LSAMP: variants seen among roughly 807,000 people sequenced by gnomAD.
The protein encoded by LSAMP is limbic system-associated membrane protein.
Under a neutral mutation model 38.6 loss-of-function variants are expected in LSAMP, and 7 were observed. The ratio of observed to expected loss-of-function variants is 0.18; its 90% CI spans 0.10 to 0.34. The LOEUF (loss-of-function observed/expected upper bound fraction) is 0.34, where lower values mean the gene tolerates loss of function less well. Among genes scored for constraint, LSAMP ranks in the 10% least tolerant of loss-of-function variants. The pLI is 1.00. For missense variants in LSAMP, 313 were observed against 420.0 expected, an observed-to-expected ratio of 0.75 and a Z score of 2.23; for synonymous variants, 154 against 166.8, an observed-to-expected ratio of 0.92 and a Z score of 0.59.
intron 3 of LSAMP, among the ~76,000 whole-genome samples, chr3:115,951,917 A>G (rs1315461855): frequency 6.6e-6 from 1 of 152,162 alleles, no homozygotes; most frequent in East Asian, 1.9e-4. Context: ...GGACATGAAT[A>G]GACAATTCTC....
chr3:115,826,332 G>T (rs1297136217), intron 6 of LSAMP, among the ~76,000 whole-genome samples: 7 of 151,912 alleles, frequency 4.6e-5, no homozygotes, highest in Admixed American at 1.3e-4. Context: ...AGCCAGGATG[G>T]TCTCAACCTC....
At chr3:116,172,366 T>TA (rs1482252768) in intron 1 of LSAMP, among the ~76,000 whole-genome samples, 1 of 150,652 alleles carries the variant, frequency 6.6e-6, no homozygotes, top group Non-Finnish European at 1.5e-5. Flanking sequence ...TTTTTTTTTT[T>TA]ACTTGAAAGC....
intron 1 of LSAMP, among the ~76,000 whole-genome samples, chr3:116,419,982 T>C (rs565272661): frequency 2.6e-5 from 4 of 152,378 alleles, no homozygotes; most frequent in South Asian, 4.1e-4. Flanking sequence ...ACTGTACCTA[T>C]TCTTGTTGAA....
chr3:116,161,016 C>T (rs143189851), intron 1 of LSAMP, among the ~76,000 whole-genome samples: 90 of 152,286 alleles, frequency 5.9e-4, no homozygotes, highest in African/African-American at 2.1e-3. Flanking sequence ...TCTCCAGCCA[C>T]GTGGGGCTAT....
chr3:116,276,688 A>G (rs915216967), intron 1 of LSAMP, among the ~76,000 whole-genome samples: 21 of 148,198 alleles, frequency 1.4e-4, no homozygotes, highest in African/African-American at 3.9e-4. Context: ...AAAAAAGAAA[A>G]AAAAAAAAAG....
chr3:116,013,870 C>T (rs1559920253), intron 3 of LSAMP, among the ~76,000 whole-genome samples: 1 of 152,152 alleles, frequency 6.6e-6, no homozygotes, highest in Non-Finnish European at 1.5e-5. Flanking sequence ...CCATTATATA[C>T]ATTGTTTTCT....
At chr3:116,297,473 T>A (rs767391205) in intron 1 of LSAMP, among the ~76,000 whole-genome samples, 1 of 152,150 alleles carries the variant, frequency 6.6e-6, no homozygotes, top group Non-Finnish European at 1.5e-5. Flanking sequence ...GAAACCTTTA[T>A]GTTATCCCTT....
chr3:116,318,909 T>C (rs1461222039), intron 1 of LSAMP, among the ~76,000 whole-genome samples: 1 of 152,098 alleles, frequency 6.6e-6, no homozygotes, highest in Non-Finnish European at 1.5e-5. Context: ...TGACACTCTT[T>C]CCACAAGAAG....
intron 1 of LSAMP, among the ~76,000 whole-genome samples, chr3:116,295,758 C>T (rs1253169255): frequency 1.3e-5 from 2 of 152,080 alleles, no homozygotes; most frequent in African/African-American, 2.4e-5. Flanking sequence ...ATTGACCCTC[C>T]AAGTCCCAAA....
At chr3:115,932,951 C>T (rs1937604996) in intron 3 of LSAMP, among the ~76,000 whole-genome samples, 2 of 152,080 alleles carry the variant, frequency 1.3e-5, no homozygotes, top group African/African-American at 2.4e-5. Flanking sequence ...GAGGTGGTGA[C>T]TTGGGTGTTA....
At chr3:116,158,495 A>G (rs977228496) in intron 1 of LSAMP, among the ~76,000 whole-genome samples, 1 of 152,210 alleles carries the variant, frequency 6.6e-6, no homozygotes, top group Non-Finnish European at 1.5e-5. Context: ...AATTTCAGCT[A>G]AGTTTCAGGA....
chr3:115,965,911 T>C (rs1047432938), intron 3 of LSAMP, among the ~76,000 whole-genome samples: 3 of 152,152 alleles, frequency 2.0e-5, no homozygotes, highest in Non-Finnish European at 4.4e-5. Flanking sequence ...TGTATGTATG[T>C]ATAAATTAAT....
chr3:115,983,904 C>A (rs796946932), intron 3 of LSAMP, among the ~76,000 whole-genome samples: 12 of 152,150 alleles, frequency 7.9e-5, no homozygotes, highest in African/African-American at 2.9e-4. Context: ...CATTAAGAGA[C>A]AATGGGAAAC....
chr3:115,965,452 T>C lies in LSAMP; in HGVS notation c.514+54063A>G, dbSNP rs557450882. On this transcript the variant is annotated intron_variant, in intron 3 of 6. Transcript: ENST00000490035. ...ATAGGAATATCTTATAACCATGGGG[T>C]GAAGAAGGATTTCTCAAATAAGATA... 1.4e-4 allele frequency among the ~76,000 whole-genome samples: 21 copies of C among 151,856 alleles called. 1 individual carries two copies. In the East Asian group the frequency reaches 3.3e-3, roughly 24 times the overall value.
At chr3:116,245,136 T>C (rs1559797236) in intron 1 of LSAMP, among the ~76,000 whole-genome samples, 2 of 152,172 alleles carry the variant, frequency 1.3e-5, no homozygotes, top group Non-Finnish European at 1.5e-5. Context: ...CTAATCAATA[T>C]GACTGATGTC....
chr3:115,999,022 A>C (rs1001397770), intron 3 of LSAMP, among the ~76,000 whole-genome samples: 1 of 152,164 alleles, frequency 6.6e-6, no homozygotes, highest in East Asian at 1.9e-4. Context: ...TTTAAAAACC[A>C]ATTACCAAGC....
chr3:115,978,358 T>A (rs1939251878), intron 3 of LSAMP, among the ~76,000 whole-genome samples: 1 of 152,122 alleles, frequency 6.6e-6, no homozygotes, highest in Non-Finnish European at 1.5e-5. Flanking sequence ...ATGATAATCC[T>A]CATTTACAGG....
chr3:116,380,428 CCTTT>C lies in LSAMP; in HGVS notation c.155+64445_155+64448del, dbSNP rs1270613886. ...GTCCTATATTTCCTTTATCTGTGTG[CCTTT>C]CTTTATCTTTATTTTTGTTGTTAAT... On this transcript the variant is annotated intron_variant, in intron 1 of 6. Transcript: ENST00000490035. Among the ~76,000 whole-genome samples the C allele has an allele frequency of 6.6e-5, 10 of 151,918 alleles. No homozygotes were observed. In the East Asian group the frequency reaches 1.4e-3, roughly 21 times the overall value.
At chr3:116,056,222 G>C (rs1399629727) in intron 2 of LSAMP, among the ~76,000 whole-genome samples, 2 of 152,114 alleles carry the variant, frequency 1.3e-5, no homozygotes, top group Non-Finnish European at 2.9e-5. Context: ...TGTCATAACA[G>C]TTAGTATGCA....
Sources: allele counts gnomAD v4.1 joint callset (sites outside exome capture counted in the v4.1 genomes callset), GRCh38; gene constraint gnomAD v4.1.1; transcripts MANE v1.5; gene names NCBI Gene and HGNC (gene_info 2026-07-23, HGNC 2026-07-21).